The following IFT81 variants were observed in gnomAD, a reference collection of about 807,000 sequenced individuals.
IFT81 encodes the protein intraflagellar transport protein 81 homolog.
In IFT81, 72 loss-of-function variants were observed where a neutral mutation model predicts 102.6. That is an observed-to-expected ratio of 0.70 (90% confidence interval 0.58 to 0.85). IFT81 has a LOEUF of 0.85. IFT81 is among the 40% of genes least tolerant of loss of function. The probability of loss-of-function intolerance (pLI) is 0.00; values close to 1 mark genes in which losing one functional copy is unlikely to be tolerated. For synonymous variants in IFT81, 237 were observed against 242.7 expected, an observed-to-expected ratio of 0.98 and a Z score of 0.22; for missense variants, 723 against 787.3, an observed-to-expected ratio of 0.92 and a Z score of 0.98.
intron 9 of IFT81, among the ~76,000 whole-genome samples, chr12:110,144,407 G>T (rs1895078305): frequency 6.6e-6 from 1 of 151,704 alleles, no homozygotes; most frequent in Non-Finnish European, 1.5e-5. Context: ...AGTAGAGACA[G>T]GGTTTCACCG....
chr12:110,216,778 T>C (rs1161939766), intron 18 of IFT81: 2 of 357,816 alleles, frequency 5.6e-6, no homozygotes, highest in African/African-American at 2.2e-5. Flanking sequence ...TGCCCACCTA[T>C]ATAGCATGAG....
At chr12:110,203,504 TC>T (rs1285685801) in intron 14 of IFT81, 1 of 193,492 alleles carries the variant, frequency 5.2e-6, no homozygotes, top group African/African-American at 2.4e-5. Flanking sequence ...TGGGTTAGGT[TC>T]CCGGGAGTCC....
intron 1 of IFT81, among the ~76,000 whole-genome samples, 190 bp from the exon 2 acceptor site, chr12:110,127,170 T>C (rs776549186): frequency 2.3e-4 from 35 of 152,216 alleles, no homozygotes; most frequent in Non-Finnish European, 2.4e-4. Flanking sequence ...ATTAACAGTA[T>C]ATACTGCAGT....
intron 11 of IFT81, among the ~76,000 whole-genome samples, chr12:110,170,644 T>G (rs2137472206): frequency 6.6e-6 from 1 of 152,310 alleles, no homozygotes; most frequent in East Asian, 1.9e-4. Context: ...ATCTGAATTT[T>G]TTTTATAGCA....
chr12:110,183,639 G>A (rs1006491121), intron 12 of IFT81, among the ~76,000 whole-genome samples: 13 of 152,238 alleles, frequency 8.5e-5, no homozygotes, highest in African/African-American at 1.9e-4. Context: ...GACATTTTCC[G>A]GTTTCCATGT....
At chr12:110,156,585 C>T (rs1895851679) in intron 10 of IFT81, among the ~76,000 whole-genome samples, 1 of 152,054 alleles carries the variant, frequency 6.6e-6, no homozygotes, top group Non-Finnish European at 1.5e-5. Context: ...CAATCTCCAC[C>T]TCCTGGGTTC....
chr12:110,153,607 T>C (rs1895665726), intron 10 of IFT81, among the ~76,000 whole-genome samples: 1 of 144,208 alleles, frequency 6.9e-6, no homozygotes, highest in Non-Finnish European at 1.5e-5. Flanking sequence ...CTTTTCTTTG[T>C]TGGGATATTT....
chr12:110,173,124 C>G (rs1896844179), intron 11 of IFT81, among the ~76,000 whole-genome samples: 1 of 138,300 alleles, frequency 7.2e-6, no homozygotes, highest in Non-Finnish European at 1.6e-5. Context: ...GTGGGGGGGT[C>G]AGCCCCCCGC....
At chr12:110,200,994 T>TA (rs200664653) in intron 14 of IFT81, among the ~76,000 whole-genome samples, 29 of 150,438 alleles carry the variant, frequency 1.9e-4, no homozygotes, top group Admixed American at 1.1e-3. Context: ...AACTTCTAAT[T>TA]AAAAAAAAAA....
chr12:110,188,202 G>A, intron 12 of IFT81, among the ~76,000 whole-genome samples: 1 of 151,802 alleles, frequency 6.6e-6, no homozygotes, highest in East Asian at 1.9e-4. Context: ...CATGGTGGTG[G>A]GTGCCGGGAA....
intron 8 of IFT81, 64 bp from the exon 9 acceptor site, chr12:110,143,318 A>G (rs1348912218): frequency 1.0e-6 from 1 of 954,484 alleles, no homozygotes; most frequent in Non-Finnish European, 1.4e-6. Flanking sequence ...TATTTAAAAT[A>G]GTATACAGAA....
chr12:110,199,276 T>A (rs1898153772), intron 14 of IFT81, among the ~76,000 whole-genome samples: 1 of 152,164 alleles, frequency 6.6e-6, no homozygotes, highest in African/African-American at 2.4e-5. Context: ...CCCTTACATG[T>A]TTTATACTTT....
In IFT81 at chr12:110,162,910, C is replaced by T; in HGVS notation, c.1042-9C>T. ...TCTTATTATACCTTCATATTTAATG[C>T]TCAATCAGGCATCTATCATTTCCCG... is the stretch of plus-strand genomic sequence containing the variant. On this transcript the variant is annotated splice_polypyrimidine_tract_variant and intron_variant, in intron 10 of 18. Transcript: ENST00000242591. The T allele has an allele frequency of 6.3e-7, 1 of 1,597,738 alleles. No individual in the cohort carries two copies. The highest frequency in any genetic ancestry group is 8.5e-7 in the Non-Finnish European group (1 of 1,172,894).
chr12:110,125,351 T>G (rs957068978), intron 1 of IFT81, among the ~76,000 whole-genome samples: 1 of 152,154 alleles, frequency 6.6e-6, no homozygotes, highest in Non-Finnish European at 1.5e-5. Context: ...CAATAATAAT[T>G]ATTTGTGCGT....
In IFT81 at chr12:110,135,721, G is replaced by A. The variant is rs149712561; in HGVS notation, c.696+284G>A. 8.1e-3 allele frequency among the ~76,000 whole-genome samples: 1,237 copies of A among 152,070 alleles called. 24 individuals carry two copies. Among genetic ancestry groups the A allele is most frequent in the African/African-American group, 0.029 (1,186 of 41,460 alleles). On this transcript the variant is annotated intron_variant, in intron 7 of 18. Coordinates refer to ENST00000242591, the MANE Select transcript of IFT81 (RefSeq NM_014055.4). ...GTCTGTACTAAAAATATAAAAATTA[G>A]CTGGGCATGGTGGCACATGCCTGTA...
At chr12:110,201,247 A>G (rs1898251276) in intron 14 of IFT81, among the ~76,000 whole-genome samples, 1 of 151,698 alleles carries the variant, frequency 6.6e-6, no homozygotes, top group Non-Finnish European at 1.5e-5. Context: ...TACTAAAAAT[A>G]CGAAATTATC....
chr12:110,142,329 G>A (rs542896794), intron 8 of IFT81, among the ~76,000 whole-genome samples: 14 of 151,986 alleles, frequency 9.2e-5, no homozygotes, highest in African/African-American at 2.2e-4. Context: ...CACCATGCCC[G>A]GCTAATTTTT....
intron 18 of IFT81, among the ~76,000 whole-genome samples, chr12:110,212,548 A>G (rs1360306003): frequency 4.0e-5 from 6 of 151,316 alleles, no homozygotes; most frequent in Admixed American, 6.6e-5. Flanking sequence ...AAAAAAAAAA[A>G]AAAGCATCCC....
At position 110,172,844 on chromosome 12, in the gene IFT81, G is replaced by A. The variant is rs1252906524; in HGVS notation, c.1189-7578G>A. On this transcript the variant is annotated intron_variant, in intron 11 of 18. Coordinates refer to ENST00000242591, the MANE Select transcript of IFT81 (RefSeq NM_014055.4). The stretch of plus-strand genomic sequence containing the variant: ...AAGTGAGGAGCGTCTCTGCCTGGCC[G>A]CCCATCGTCTGGGATGTGAGGAGCC... Among the ~76,000 whole-genome samples the A allele has an allele frequency of 1.1e-4, 17 of 150,804 alleles. No homozygotes were observed. In the East Asian group the frequency reaches 2.8e-3, roughly 24 times the overall value.
Sources: gnomAD v4.1 joint callset for allele counts (sites outside exome capture counted in the v4.1 genomes callset) on GRCh38, gnomAD v4.1.1 for gene constraint, MANE v1.5 for transcripts, NCBI Gene and HGNC (gene_info 2026-07-23, HGNC 2026-07-21) for gene names.